Variants in CNKSR2 observed in about 807,000 individuals in gnomAD.
CNKSR2 encodes connector enhancer of kinase suppressor of Ras 2.
CNKSR2 carries 14 observed loss-of-function variants against 84.4 expected under a neutral mutation model. The ratio of observed to expected loss-of-function variants is 0.17; its 90% confidence interval spans 0.11 to 0.26. The LOEUF is 0.26. Among genes scored for constraint, CNKSR2 ranks in the 10% least tolerant of loss-of-function variants. The pLI is 1.00. For synonymous variants in CNKSR2, 275 were observed against 277.9 expected, an observed-to-expected ratio of 0.99 and a Z score of 0.10; for missense variants, 485 against 771.2, an observed-to-expected ratio of 0.63 and a Z score of 4.40.
At chrX:21,620,786 A>G (rs2092598265) in intron 20 of CNKSR2, among the ~76,000 whole-genome samples, 7 of 111,191 alleles carry the variant, frequency 6.3e-5, no homozygotes. Context: ...ATAGTAGATA[A>G]AGGGCACAAG....
intron 13 of CNKSR2, among the ~76,000 whole-genome samples, chrX:21,567,685 T>G (rs950512414): frequency 9.0e-6 from 1 of 111,546 alleles, no homozygotes; most frequent in African/African-American, 3.3e-5. Context: ...GAGCATAACT[T>G]TATTTTACCT....
chrX:21,452,785 TA>T (rs2090951774), intron 4 of CNKSR2, among the ~76,000 whole-genome samples: 1 of 102,800 alleles, frequency 9.7e-6, no homozygotes, highest in Non-Finnish European at 2.0e-5. Context: ...TATTTTATTT[TA>T]TTTTATTTTA....
At chrX:21,451,426 T>C (rs777721684) in intron 4 of CNKSR2, among the ~76,000 whole-genome samples, 1 of 110,401 alleles carries the variant, frequency 9.1e-6, no homozygotes, top group South Asian at 4.0e-4. Context: ...CTATTCACAA[T>C]AGCAAAGACT....
Position 21,374,664 on chromosome X carries a change from C to G in CNKSR2, c.-234C>G. 1.9e-6 allele frequency: 1 copy of G among 513,332 alleles called. No homozygotes were observed. Among genetic ancestry groups the G allele is most frequent in the Admixed American group, 2.8e-5 (1 of 36,334 alleles). 42.3% of individuals were successfully genotyped at this position (513,332 alleles called of 1,213,427 possible). ...CGCCGCCGCCTTAGCGGGAACTGAG[C>G]AGACCCGGCGCGGAGCCACGACTCC... On this transcript the variant is annotated 5_prime_UTR_variant, in exon 1 of 22. Transcript: ENST00000379510.
chrX:21,599,339 G>T (rs868419825), intron 17 of CNKSR2, among the ~76,000 whole-genome samples: 1 of 82,699 alleles, frequency 1.2e-5, no homozygotes, highest in Non-Finnish European at 2.3e-5. Context: ...TTTTTGTTTT[G>T]GTGTGTGTGT....
In CNKSR2 at chrX:21,591,265, T is replaced by C. The variant is rs780110176; in HGVS notation, c.1830+71T>C. 2.2e-4 allele frequency: 205 copies of C among 931,003 alleles called. No individual in the cohort carries two copies. The East Asian group carries it at 6.5e-3, about 29-fold the overall frequency. 76.7% of individuals were successfully genotyped at this position (931,003 alleles called of 1,213,427 possible). A position where few individuals can be genotyped will look rare whatever the true frequency, so the allele number is the denominator to read the frequency against. On this transcript the variant is annotated intron_variant, in intron 15 of 21. Transcript: ENST00000379510. ...ATCAAAAGAATCATTTTGAGACTTA[T>C]ATTTTAAAATCGTATAATCACCTTA...
At chrX:21,543,176 A>G (rs774104908) in intron 11 of CNKSR2, among the ~76,000 whole-genome samples, 1 of 112,478 alleles carries the variant, frequency 8.9e-6, no homozygotes, top group African/African-American at 3.2e-5. Context: ...TTTAAAATGT[A>G]AATAATCTTC....
chrX:21,436,784 T>C (rs1262251860), intron 3 of CNKSR2, among the ~76,000 whole-genome samples: 1 of 111,197 alleles, frequency 9.0e-6, no homozygotes, highest in Non-Finnish European at 1.9e-5. Context: ...TCGTTTTTAC[T>C]CTCATAGATG....
chrX:21,408,111 T>C (rs965724923), intron 1 of CNKSR2, among the ~76,000 whole-genome samples: 1 of 112,061 alleles, frequency 8.9e-6, no homozygotes, highest in African/African-American at 3.2e-5. Context: ...AAAGATAATA[T>C]TCATCTTTCC....
rs2091560312 is a variant in CNKSR2, at chrX:21,501,554, G to A, written c.776G>A (p.Gly259Asp). 1 of 1,168,543 alleles carries A rather than the reference G, an allele frequency of 8.6e-7. No homozygotes were observed. Among genetic ancestry groups the A allele is most frequent in the Non-Finnish European group, 1.2e-6 (1 of 865,777 alleles). ...GATCGGTGCAAGAAAATCCATGCTGGCGATGAAGTGATTCAAGTTAATCAT... is the reference window on the plus strand; with the variant it reads ...GATCGGTGCAAGAAAATCCATGCTGACGATGAAGTGATTCAAGTTAATCAT... ...PADRCKKIHAGDEVIQVNHQT... is the reference protein window; with the variant it reads ...PADRCKKIHADDEVIQVNHQT... Residue 259 changes from glycine (G) to aspartate (D), a missense_variant, in exon 8 of 22, where the codon GGC (glycine) becomes GAC (aspartate). Around this residue, in one of 5 missense-constraint regions of CNKSR2, gnomAD observed 109 missense variants for 197.5 expected, o/e 0.55. Transcript: ENST00000379510.
At chrX:21,452,778 TTTA>T (rs1410603639) in intron 4 of CNKSR2, among the ~76,000 whole-genome samples, 2 of 99,665 alleles carry the variant, frequency 2.0e-5, no homozygotes, top group African/African-American at 7.6e-5. Flanking sequence ...TTTATTTTAT[TTTA>T]TTTTATTTTA....
intron 13 of CNKSR2, among the ~76,000 whole-genome samples, chrX:21,586,223 G>A (rs778093802): frequency 2.0e-4 from 22 of 111,651 alleles, no homozygotes; most frequent in Non-Finnish European, 3.2e-4. Flanking sequence ...ATTGACTCAC[G>A]AGGTGTAACC....
At chrX:21,594,574 A>G (rs2092440766) in intron 15 of CNKSR2, 1 of 113,414 alleles carries the variant, frequency 8.8e-6, no homozygotes, top group Non-Finnish European at 1.8e-5. Flanking sequence ...GAACATCCCT[A>G]TATTTTACAT....
chrX:21,453,195 A>C (rs982219781), intron 4 of CNKSR2, among the ~76,000 whole-genome samples: 2 of 111,878 alleles, frequency 1.8e-5, no homozygotes, highest in African/African-American at 6.5e-5. Flanking sequence ...TTGCATCAGA[A>C]CTTTTTTATA....
chrX:21,397,376 G>A (rs761967548), intron 1 of CNKSR2, among the ~76,000 whole-genome samples: 1 of 111,464 alleles, frequency 9.0e-6, no homozygotes, highest in South Asian at 3.7e-4. Context: ...ACCCTTAGCT[G>A]TCTATATTAT....
chrX:21,651,236 T>C (rs937981188), intron 21 of CNKSR2, among the ~76,000 whole-genome samples: 2 of 112,252 alleles, frequency 1.8e-5, no homozygotes, highest in African/African-American at 6.5e-5. Context: ...GAAAAGTCAC[T>C]GTAAAAAATG....
Position 21,451,460 on chromosome X carries a change from A to C in CNKSR2, c.519+10679A>C, listed in dbSNP as rs189564073. 2.7e-3 allele frequency among the ~76,000 whole-genome samples: 303 copies of C among 110,305 alleles called. 4 individuals carry two copies. Among genetic ancestry groups the C allele is most frequent in the African/African-American group, 9.4e-3 (285 of 30,302 alleles). On this transcript the variant is annotated intron_variant, in intron 4 of 21. Transcript: ENST00000379510. ...CTTGGAGCCAACCCAAATGCCTAAC[A>C]ATGATAGACTGGATTAAGAAAATGT...
At chrX:21,593,678 G>A (rs756383261) in intron 15 of CNKSR2, 4 of 111,582 alleles carry the variant, frequency 3.6e-5, no homozygotes, top group Non-Finnish European at 7.5e-5. Context: ...GCATTAGAGA[G>A]AGCAGGATTT....
chrX:21,536,672 T>C (rs185459059), intron 11 of CNKSR2, among the ~76,000 whole-genome samples: 17 of 111,159 alleles, frequency 1.5e-4, no homozygotes, highest in African/African-American at 5.2e-4. Flanking sequence ...TTGTTCAGAA[T>C]AGTCTCTTAT....
Sources: gnomAD v4.1 joint callset for allele counts (sites outside exome capture counted in the v4.1 genomes callset) on GRCh38, gnomAD v4.1.1 for gene constraint, gnomAD v4.1.1 regional missense constraint, MANE v1.5 for transcripts, NCBI Gene and HGNC (gene_info 2026-07-23, HGNC 2026-07-21) for gene names.